Variants in USP3 observed in about 807,000 individuals in gnomAD.
The protein encoded by USP3 is ubiquitin specific peptidase 3.
A neutral mutation model predicts 72.3 loss-of-function variants in USP3; 20 were observed. The observed-to-expected ratio is 0.28, with a 90% CI of 0.19 to 0.40. The LOEUF is 0.40. Among genes scored for constraint, USP3 ranks in the 10% least tolerant of loss-of-function variants. USP3 has a pLI of 1.00. For synonymous variants in USP3, 222 were observed against 225.3 expected (o/e 0.99, Z 0.13); for missense variants, 479 against 633.9 (o/e 0.76, Z 2.62).
rs368366161 is a variant in USP3 at position 63,570,513 on chromosome 15, A to T, written c.842A>T (p.Asn281Ile). Residue 281 changes from asparagine (N) to isoleucine (I), a missense_variant, in exon 9 of 15, where the codon AAC (asparagine) becomes ATC (isoleucine). Asn to Ile is a moderately radical substitution (Grantham distance 149, BLOSUM62 -3). Coordinates refer to ENST00000380324, the MANE Select transcript of USP3 (RefSeq NM_006537.4). This position sits in a 1 kb window ranked among gnomAD's most constrained non-coding sequence, Gnocchi z 4.4. ...HLHLELQGGF[N>I]GVSRSAILQE... ...CACTTGGAACTTCAGGGCGGTTTCAACGGTGTTTCCCGCTCAGCAATTCTG... is the reference window on the plus strand; with the variant it reads ...CACTTGGAACTTCAGGGCGGTTTCATCGGTGTTTCCCGCTCAGCAATTCTG... 15 of 1,614,226 alleles carry T rather than the reference A, an allele frequency of 9.3e-6. No individual in the cohort carries two copies. Among genetic ancestry groups the T allele is most frequent in the Non-Finnish European group, 1.3e-5 (15 of 1,180,032 alleles).
chr15:63,518,045 T>C (rs2065874928), intron 1 of USP3, among the ~76,000 whole-genome samples: 2 of 152,210 alleles, frequency 1.3e-5, no homozygotes, highest in South Asian at 4.1e-4. Flanking sequence ...ACGTTTAGTT[T>C]AGTGTCCATT....
In USP3 at chr15:63,594,241, C is replaced by G. The variant is rs2067253417; in HGVS notation, c.*3415C>G. The G allele has an allele frequency of 6.6e-6, 1 of 152,238 alleles. No individual in the cohort carries two copies. Among genetic ancestry groups the G allele is most frequent in the African/African-American group, 2.4e-5 (1 of 41,448 alleles). 9.4% of individuals were successfully genotyped at this position (152,238 alleles called of 1,614,324 possible). A position where few individuals can be genotyped will look rare whatever the true frequency, so the allele number is the denominator to read the frequency against. ...AAACTCTCTCCTGTACCCTCTGTTG[C>G]TGAAGTGGCCTCTTCACCTGGGCCC... On this transcript the variant is annotated 3_prime_UTR_variant, in exon 15 of 15. Coordinates refer to ENST00000380324, the MANE Select transcript of USP3 (RefSeq NM_006537.4).
chr15:63,512,476 TCA>T (rs967520122), intron 1 of USP3, among the ~76,000 whole-genome samples: 4 of 151,360 alleles, frequency 2.6e-5, no homozygotes, highest in Admixed American at 2.6e-4. Flanking sequence ...CTTCGGAATC[TCA>T]CTCTTTGGCC....
chr15:63,586,018 A>G (rs1212031042), intron 11 of USP3, among the ~76,000 whole-genome samples: 1 of 152,216 alleles, frequency 6.6e-6, no homozygotes, highest in Admixed American at 6.5e-5. Context: ...CTTCCTATCC[A>G]TGAATACAGG....
At chr15:63,545,871 T>C (rs1354081033) in intron 3 of USP3, among the ~76,000 whole-genome samples, 3 of 146,414 alleles carry the variant, frequency 2.0e-5, no homozygotes, top group Admixed American at 7.2e-5. Context: ...CTCGGGAGGC[T>C]GAGGTAGGAG....
intron 8 of USP3, among the ~76,000 whole-genome samples, chr15:63,565,159 A>G (rs74018121): frequency 0.016 from 2,464 of 152,308 alleles, 67 homozygotes; most frequent in African/African-American, 0.056. Context: ...CTGAAATACA[A>G]ACATGCGTGT....
chr15:63,556,816 T>G, intron 5 of USP3, 68 bp downstream of exon 5: 1 of 1,086,882 alleles, frequency 9.2e-7, no homozygotes. Context: ...GTTACAACTC[T>G]AACATGTAAT....
At chr15:63,590,429 G>C (rs757354097) in intron 14 of USP3, among the ~76,000 whole-genome samples, 1 of 152,128 alleles carries the variant, frequency 6.6e-6, no homozygotes, top group South Asian at 2.1e-4. Flanking sequence ...GTTAGGTTGC[G>C]AGTTCCTCAT....
At chr15:63,506,074 A>G (rs528589266) in intron 1 of USP3, among the ~76,000 whole-genome samples, 2 of 152,318 alleles carry the variant, frequency 1.3e-5, no homozygotes, top group East Asian at 3.9e-4. Flanking sequence ...GCGCGCTCAG[A>G]CGTCTGATGC....
At chr15:63,565,388 C>CTTATG (rs2066673657) in intron 8 of USP3, among the ~76,000 whole-genome samples, 1 of 152,190 alleles carries the variant, frequency 6.6e-6, no homozygotes, top group Admixed American at 6.5e-5. Context: ...GTACTTACCA[C>CTTATG]ACTTCTTATG....
In USP3 at chr15:63,590,829, C is replaced by A. The variant is rs946149158; in HGVS notation, c.*3C>A. ...AAGCTGGATCGGATAAACTTTAATA[C>A]CTCCTCCAAATCATCATTCACCAAC... On this transcript the variant is annotated 3_prime_UTR_variant, in exon 15 of 15. Transcript: ENST00000380324. The A allele has an allele frequency of 1.9e-5, 31 of 1,606,780 alleles. No individual in the cohort carries two copies. The highest frequency in any genetic ancestry group is 2.4e-5 in the Non-Finnish European group (28 of 1,177,026).
intron 8 of USP3, among the ~76,000 whole-genome samples, chr15:63,564,862 G>A (rs2066662476): frequency 6.6e-6 from 1 of 152,192 alleles, no homozygotes; most frequent in Non-Finnish European, 1.5e-5. Flanking sequence ...CTCTTGGTCA[G>A]ATCTAGATCT....
intron 8 of USP3, among the ~76,000 whole-genome samples, chr15:63,569,304 A>AC (rs1463077697): frequency 6.6e-6 from 1 of 152,208 alleles, no homozygotes; most frequent in Non-Finnish European, 1.5e-5. Flanking sequence ...AAATACTTGA[A>AC]CACATATATT....
chr15:63,544,604 T>G lies in USP3; in HGVS notation c.284+7448T>G, dbSNP rs1377161220. 5 of 660,376 alleles carry G rather than the reference T, an allele frequency of 7.6e-6. No homozygotes were observed. Among genetic ancestry groups the G allele is most frequent in the Non-Finnish European group, 1.1e-5 (4 of 366,842 alleles). 40.9% of individuals were successfully genotyped at this position (660,376 alleles called of 1,614,324 possible). ...TTAAATTTTAGGACAAGAAAACGAT[T>G]GAGCCATGCTGTGTGTTTTCATTTT... On this transcript the variant is annotated intron_variant, in intron 3 of 14. Coordinates refer to ENST00000380324, the MANE Select transcript of USP3 (RefSeq NM_006537.4). The surrounding 1 kb of genome is among the most constrained non-coding windows in gnomAD (Gnocchi z 4.2).
chr15:63,536,944 T>G (rs1316464149), intron 2 of USP3, 81 bp from the exon 3 acceptor site: 1 of 1,397,788 alleles, frequency 7.2e-7, no homozygotes, highest in Non-Finnish European at 9.7e-7. Context: ...TTTGATTTGA[T>G]TAATATTTAA....
rs564890491 is a variant in USP3, at chr15:63,541,378, T to C, written c.284+4222T>C. Among the ~76,000 whole-genome samples, 172 of 152,304 alleles carry C rather than the reference T, an allele frequency of 1.1e-3. 1 individual carries two copies. Among genetic ancestry groups the C allele is most frequent in the African/African-American group, 4.1e-3 (169 of 41,580 alleles). ...TTCCTACAGCAGTTGTGATTAAAAA[T>C]TTTAAAAAAGGAAAATATTTTGTTG... On this transcript the variant is annotated intron_variant, in intron 3 of 14. Transcript: ENST00000380324.
At chr15:63,576,232 A>C (rs149034904) in intron 11 of USP3, among the ~76,000 whole-genome samples, 1 of 152,038 alleles carries the variant, frequency 6.6e-6, no homozygotes, top group Non-Finnish European at 1.5e-5. Context: ...AGTGATCCAC[A>C]CCCCTTGGCT....
Position 63,588,364 on chromosome 15 carries a change from C to A in USP3, c.1156C>A (p.His386Asn). ...TGATGAGACAGAGTTATATATGTGCCATAAATGCAAAAAGAAACAAAAGTC... is the reference window on the plus strand; with the variant it reads ...TGATGAGACAGAGTTATATATGTGCAATAAATGCAAAAAGAAACAAAAGTC... ...ELDETELYMCHKCKKKQKSTK... is the reference protein window; with the variant it reads ...ELDETELYMCNKCKKKQKSTK... The change falls in exon 12 of 15, where the codon CAT becomes AAT. Residue 386 changes from histidine to asparagine, a missense_variant. By Grantham distance (68) the His-to-Asn change is moderately conservative. Coordinates refer to ENST00000380324, the MANE Select transcript of USP3 (RefSeq NM_006537.4). The surrounding 1 kb of genome is among the most constrained non-coding windows in gnomAD (Gnocchi z 4.6). 6.2e-7 allele frequency: 1 copy of A among 1,608,316 alleles called. No homozygotes were observed. The highest frequency in any genetic ancestry group is 8.5e-7 in the Non-Finnish European group (1 of 1,178,544).
intron 1 of USP3, among the ~76,000 whole-genome samples, chr15:63,521,347 A>T (rs887787037): frequency 3.9e-5 from 6 of 152,190 alleles, no homozygotes; most frequent in African/African-American, 7.2e-5. Context: ...ACCCTTGTAC[A>T]AAGATATTTT....
Sources: gnomAD v4.1 joint callset for allele counts (sites outside exome capture counted in the v4.1 genomes callset) on GRCh38, gnomAD v4.1.1 for gene constraint, Gnocchi (gnomAD v3.1) non-coding constraint, MANE v1.5 for transcripts, NCBI Gene and HGNC (gene_info 2026-07-23, HGNC 2026-07-21) for gene names.